PGBD5: variants seen among roughly 807,000 people sequenced by gnomAD.
PGBD5 encodes the protein piggyBac transposable element derived 5, also known as piggyBac transposable element-derived protein 5.
Under a neutral mutation model 47.9 loss-of-function variants are expected in PGBD5, and 14 were observed. That is an observed-to-expected ratio of 0.29 (90% confidence interval 0.19 to 0.46). The LOEUF (loss-of-function observed/expected upper bound fraction) is 0.46, where lower values mean the gene tolerates loss of function less well. Ranked by LOEUF, PGBD5 falls within the 20% of genes least tolerant of loss-of-function variation. The pLI, the probability that PGBD5 is intolerant of heterozygous loss-of-function variation, is 1.00. For missense variants in PGBD5, 635 were observed against 716.0 expected, an observed-to-expected ratio of 0.89 and a Z score of 1.29; for synonymous variants, 316 against 306.3, an observed-to-expected ratio of 1.03 and a Z score of -0.33.
intron 5 of PGBD5, among the ~76,000 whole-genome samples, chr1:230,330,796 A>C (rs1174444544): frequency 6.6e-6 from 1 of 152,184 alleles, no homozygotes; most frequent in Non-Finnish European, 1.5e-5. Context: ...TGGGATTTTT[A>C]AGGGACGCTA....
intron 3 of PGBD5, among the ~76,000 whole-genome samples, chr1:230,347,894 G>T (rs865845869): frequency 6.6e-6 from 1 of 152,150 alleles, no homozygotes; most frequent in South Asian, 2.1e-4. Flanking sequence ...AGGTTTTCAG[G>T]ACCCAGGTGA....
At chr1:230,327,363 T>C (rs1571822483) in intron 5 of PGBD5, among the ~76,000 whole-genome samples, 1 of 152,158 alleles carries the variant, frequency 6.6e-6, no homozygotes, top group Non-Finnish European at 1.5e-5. Context: ...CAACTCTCAC[T>C]GAGGGACCGT....
chr1:230,334,665 C>A (rs932048560), intron 4 of PGBD5, among the ~76,000 whole-genome samples: 1 of 152,228 alleles, frequency 6.6e-6, no homozygotes, highest in Non-Finnish European at 1.5e-5. Flanking sequence ...GTGCAGCCAC[C>A]AGTGACCCTC....
chr1:230,351,523 TAA>T (rs895976990), intron 2 of PGBD5, among the ~76,000 whole-genome samples: 1 of 152,094 alleles, frequency 6.6e-6, no homozygotes, highest in African/African-American at 2.4e-5. Flanking sequence ...TTCCAACTGC[TAA>T]AAAAGTCTTT....
At chr1:230,335,946 G>T (rs949409516) in intron 4 of PGBD5, among the ~76,000 whole-genome samples, 4 of 151,548 alleles carry the variant, frequency 2.6e-5, no homozygotes, top group African/African-American at 9.7e-5. Flanking sequence ...GACACACAAA[G>T]ACACAGAGAC....
chr1:230,321,216 C>A lies in PGBD5; in HGVS notation c.*2209G>T, dbSNP rs1667027218. ...TCAAGAGGTATTTCTATTAGCCAAA[C>A]TCAAAAACATTTCTTTTTTAAACTG... On this transcript the variant is annotated 3_prime_UTR_variant, in exon 7 of 7. Transcript: ENST00000391860. The A allele has an allele frequency of 6.6e-6, 1 of 152,238 alleles. No individual in the cohort carries two copies. Among genetic ancestry groups the A allele is most frequent in the Non-Finnish European group, 1.5e-5 (1 of 68,040 alleles). 9.4% of individuals were successfully genotyped at this position (152,238 alleles called of 1,614,324 possible).
intron 4 of PGBD5, among the ~76,000 whole-genome samples, chr1:230,333,448 GAGA>G (rs761378647): frequency 1.1e-4 from 17 of 152,208 alleles, no homozygotes; most frequent in Non-Finnish European, 2.2e-4. Context: ...ATGCACATTA[GAGA>G]AGAAGAACTG....
At chr1:230,374,477 A>G (rs986632985) in intron 1 of PGBD5, among the ~76,000 whole-genome samples, 4 of 152,206 alleles carry the variant, frequency 2.6e-5, no homozygotes, top group African/African-American at 9.7e-5. Flanking sequence ...AGCAATATGA[A>G]TAGTATGATC....
chr1:230,333,983 G>A (rs1667263741), intron 4 of PGBD5, among the ~76,000 whole-genome samples: 2 of 152,248 alleles, frequency 1.3e-5, no homozygotes, highest in South Asian at 4.1e-4. Flanking sequence ...AGGGGACGCA[G>A]AGACCCTGGG....
chr1:230,388,180 A>T (rs1358855691), intron 1 of PGBD5, among the ~76,000 whole-genome samples: 1 of 152,204 alleles, frequency 6.6e-6, no homozygotes, highest in Non-Finnish European at 1.5e-5. Flanking sequence ...TAGTTTTAGA[A>T]GATCACAGAC....
chr1:230,362,484 T>G (rs1460415672), intron 1 of PGBD5: 15 of 1,192,544 alleles, frequency 1.3e-5, no homozygotes, highest in Non-Finnish European at 3.2e-6. Flanking sequence ...AAGGAAGCCC[T>G]CCTGGGGCTC....
intron 5 of PGBD5, among the ~76,000 whole-genome samples, chr1:230,331,453 C>A (rs1360642104): frequency 6.6e-6 from 1 of 152,058 alleles, no homozygotes; most frequent in Non-Finnish European, 1.5e-5. Context: ...TGGTAGGAAG[C>A]AGTTCCTGCC....
chr1:230,420,196 A>AG (rs1657617618), intron 1 of PGBD5, among the ~76,000 whole-genome samples: 4 of 152,202 alleles, frequency 2.6e-5, no homozygotes, highest in Non-Finnish European at 5.9e-5. Context: ...CAGCAAACAA[A>AG]GGGGAGAGAG....
intron 2 of PGBD5, among the ~76,000 whole-genome samples, chr1:230,353,341 A>G (rs1473519830): frequency 6.6e-6 from 1 of 152,146 alleles, no homozygotes; most frequent in Admixed American, 6.5e-5. Context: ...TGATTTGCAC[A>G]ATCCCTCCCC....
intron 3 of PGBD5, among the ~76,000 whole-genome samples, chr1:230,342,872 T>C (rs1254312931): frequency 1.3e-5 from 2 of 152,186 alleles, no homozygotes; most frequent in Admixed American, 6.5e-5. Flanking sequence ...TACATTTAAA[T>C]TAACTAAAAT....
chr1:230,372,342 G>A (rs1365246672), intron 1 of PGBD5, among the ~76,000 whole-genome samples: 1 of 152,174 alleles, frequency 6.6e-6, no homozygotes, highest in Non-Finnish European at 1.5e-5. Flanking sequence ...AGACAGGTCA[G>A]TTGCAAAGCA....
At chr1:230,409,620 C>T (rs1163287534) in intron 1 of PGBD5, among the ~76,000 whole-genome samples, 1 of 152,008 alleles carries the variant, frequency 6.6e-6, no homozygotes, top group African/African-American at 2.4e-5. Flanking sequence ...ATTATGATTC[C>T]ATGTATATGA....
At chr1:230,387,156 T>C (rs1432503344) in intron 1 of PGBD5, among the ~76,000 whole-genome samples, 1 of 152,130 alleles carries the variant, frequency 6.6e-6, no homozygotes, top group Non-Finnish European at 1.5e-5. Context: ...AAATGGTATG[T>C]GGAGTGTCAC....
At chr1:230,342,674 G>A (rs1667425214) in intron 3 of PGBD5, among the ~76,000 whole-genome samples, 1 of 152,156 alleles carries the variant, frequency 6.6e-6, no homozygotes, top group Non-Finnish European at 1.5e-5. Context: ...GTGGGTTTGG[G>A]GGCAAGTTAC....
Sources: allele counts gnomAD v4.1 joint callset (sites outside exome capture counted in the v4.1 genomes callset), GRCh38; gene constraint gnomAD v4.1.1; transcripts MANE v1.5; gene names NCBI Gene and HGNC (gene_info 2026-07-23, HGNC 2026-07-21).